Variants in AFAP1L1 observed in about 807,000 individuals in gnomAD.
AFAP1L1 encodes actin filament-associated protein 1-like 1.
AFAP1L1 carries 77 observed loss-of-function variants against 99.8 expected under a neutral mutation model. The ratio of observed to expected loss-of-function variants is 0.77; its 90% CI spans 0.64 to 0.93. The LOEUF (loss-of-function observed/expected upper bound fraction) is 0.93, where lower values mean the gene tolerates loss of function less well. Among genes scored for constraint, AFAP1L1 ranks in the 40% least tolerant of loss-of-function variants. The pLI is 0.00. For missense variants in AFAP1L1, 893 were observed against 996.8 expected (o/e 0.90, Z 1.40); for synonymous variants, 373 against 395.3 (o/e 0.94, Z 0.67).
intron 8 of AFAP1L1, 133 bp from the exon 9 acceptor site, chr5:149,311,979 C>A: frequency 1.3e-6 from 1 of 744,434 alleles, no homozygotes; most frequent in Non-Finnish European, 2.3e-6. Context: ...ATGCAGGTAG[C>A]TGTGTCAGTC....
intron 17 of AFAP1L1, among the ~76,000 whole-genome samples, chr5:149,333,546 TCACCTCC>T (rs574692186): frequency 1.0e-3 from 158 of 152,330 alleles, no homozygotes; most frequent in African/African-American, 3.5e-3. Context: ...GAAGATACGC[TCACCTCC>T]AATGGTGCTC....
chr5:149,286,192 C>A (rs1019986162), intron 1 of AFAP1L1, among the ~76,000 whole-genome samples: 1 of 152,106 alleles, frequency 6.6e-6, no homozygotes, highest in African/African-American at 2.4e-5. Context: ...GCATCAGGGA[C>A]TTCTCTAAGC....
chr5:149,335,473 G>C, intron 17 of AFAP1L1, 121 bp from the exon 18 acceptor site: 2 of 1,336,024 alleles, frequency 1.5e-6, no homozygotes, highest in South Asian at 1.5e-5. Flanking sequence ...GGGTGACAGA[G>C]ACTCTGTCTC....
In AFAP1L1 at chr5:149,322,636, C is replaced by A; in HGVS notation, c.1729C>A (p.Gln577Lys). Residue 577 changes from glutamine (Q) to lysine (K), a missense_variant, in exon 15 of 19, where the codon CAG becomes AAG. Coordinates refer to ENST00000296721, the MANE Select transcript of AFAP1L1 (RefSeq NM_152406.4). ...DEEPERPTGAQVKRHASSCSE... is the reference protein window; with the variant it reads ...DEEPERPTGAKVKRHASSCSE... ...GGAGCCCGAGCGCCCCACAGGGGCC[C>A]AGGTGAAGCGTCACGCCTCCTCCTG... 2 of 1,589,020 alleles carry A rather than the reference C, an allele frequency of 1.3e-6. No individual in the cohort carries two copies. The highest frequency in any genetic ancestry group is 1.7e-6 in the Non-Finnish European group (2 of 1,166,824).
At chr5:149,289,580 C>G (rs903578181) in intron 1 of AFAP1L1, among the ~76,000 whole-genome samples, 22 of 152,202 alleles carry the variant, frequency 1.4e-4, no homozygotes, top group African/African-American at 5.3e-4. Context: ...CCAGTGCCGT[C>G]TCCTTCTACA....
rs1235336270 is a variant in AFAP1L1, at chr5:149,320,216, CTG to C, written c.1626-172_1626-171del. ...GTTATGAGAATCACATTGGTCCTGTCTGTGACGCCCTAACACAGCCCATGACA... is the reference window on the plus strand; with the variant it reads ...GTTATGAGAATCACATTGGTCCTGTCTGACGCCCTAACACAGCCCATGACA... On this transcript the variant is annotated intron_variant, in intron 13 of 18. Transcript: ENST00000296721. This position sits in a 1 kb window ranked among gnomAD's most constrained non-coding sequence, Gnocchi z 4.0. Among the ~76,000 whole-genome samples the C allele has an allele frequency of 6.6e-6, 1 of 152,224 alleles. No homozygotes were observed. Among genetic ancestry groups the C allele is most frequent in the Non-Finnish European group, 1.5e-5 (1 of 68,032 alleles).
In AFAP1L1 at chr5:149,302,526, A is replaced by G. The variant is rs751149333; in HGVS notation, c.436A>G (p.Asn146Asp). Reference protein sequence around the residue: ...GKSPEYISSHNGCSPSHSIVD... With the variant: ...GKSPEYISSHDGCSPSHSIVD... ...GTCGCCTGAGTACATCAGCTCCCAC[A>G]GTAAGTTCTGGTCCTCTTGGTGGGG... The change falls in exon 5 of 19, where the codon AAT (asparagine) becomes GAT (aspartate). Residue 146 changes from asparagine (N) to aspartate (D), a missense_variant and splice_region_variant. Coordinates refer to ENST00000296721, the MANE Select transcript of AFAP1L1 (RefSeq NM_152406.4). 14 of 1,575,224 alleles carry G rather than the reference A, an allele frequency of 8.9e-6. No homozygotes were observed. Among genetic ancestry groups the G allele is most frequent in the Non-Finnish European group, 1.0e-5 (12 of 1,159,738 alleles).
Position 149,319,478 on chromosome 5 carries a change from G to T in AFAP1L1, c.1480-104G>T, listed in dbSNP as rs548858778. The stretch of plus-strand genomic sequence containing the variant: ...CCTCTTTGACCCGAGTATCGGGTAC[G>T]TAGTCAGTACTTACAAATATTTCTG... On this transcript the variant is annotated intron_variant, in intron 12 of 18. Coordinates refer to ENST00000296721, the MANE Select transcript of AFAP1L1 (RefSeq NM_152406.4). The T allele has an allele frequency of 2.3e-5, 30 of 1,324,370 alleles. No homozygotes were observed. The African/African-American group carries it at 3.8e-4, about 17-fold the overall frequency. The allele number at this position is 1,324,370 out of a possible 1,614,324, so 82.0% of individuals were successfully genotyped here.
chr5:149,301,373 A>T, intron 4 of AFAP1L1, 143 bp downstream of exon 4: 1 of 633,264 alleles, frequency 1.6e-6, no homozygotes, highest in East Asian at 2.8e-5. Flanking sequence ...GGGCACAGGC[A>T]GCACCATGTG....
chr5:149,309,624 C>T (rs1014554731), intron 7 of AFAP1L1, among the ~76,000 whole-genome samples: 1 of 152,198 alleles, frequency 6.6e-6, no homozygotes, highest in African/African-American at 2.4e-5. Context: ...AAATTCCTGC[C>T]AGATAGATTT....
At chr5:149,327,807 T>C (rs1005828632) in intron 15 of AFAP1L1, among the ~76,000 whole-genome samples, 43 of 152,028 alleles carry the variant, frequency 2.8e-4, no homozygotes, top group African/African-American at 1.0e-3. Flanking sequence ...CACCATTAAG[T>C]GCACAAACAT....
intron 15 of AFAP1L1, among the ~76,000 whole-genome samples, chr5:149,326,266 T>C (rs953556529): frequency 1.3e-5 from 2 of 152,142 alleles, no homozygotes; most frequent in Non-Finnish European, 2.9e-5. Flanking sequence ...CAGCCGGGCG[T>C]GATGGCTCAC....
At chr5:149,314,214 C>G (rs748593124) in intron 9 of AFAP1L1, among the ~76,000 whole-genome samples, 10 of 152,188 alleles carry the variant, frequency 6.6e-5, no homozygotes, top group Non-Finnish European at 1.0e-4. Flanking sequence ...GAAGCTCAAC[C>G]CTATCCTCAC....
In AFAP1L1 at chr5:149,299,621, C is replaced by T. The variant is rs1189269813; in HGVS notation, c.129C>T (p.Ser43=). 6.2e-7 allele frequency: 1 copy of T among 1,614,186 alleles called. No homozygotes were observed. The highest frequency in any genetic ancestry group is 2.2e-5 in the East Asian group (1 of 44,882). The change falls in exon 2 of 19, where the codon AGC becomes AGT. Residue 43 remains serine (S), a synonymous_variant. Transcript: ENST00000296721. ...TGGCCGTGGCCTCCATCCTGCAGAG[C>T]CTGCAGCCCCTTCCAGGTTAGCCGC... ...KKMAVASILQ[S]LQPLPAKEVS...
At chr5:149,292,719 C>T (rs1201952739) in intron 1 of AFAP1L1, among the ~76,000 whole-genome samples, 1 of 152,158 alleles carries the variant, frequency 6.6e-6, no homozygotes, top group African/African-American at 2.4e-5. Context: ...TAAGACTCAA[C>T]TAAACCAAGC....
At chr5:149,321,506 C>A (rs1756950676) in intron 14 of AFAP1L1, among the ~76,000 whole-genome samples, 1 of 152,040 alleles carries the variant, frequency 6.6e-6, no homozygotes, top group Admixed American at 6.6e-5. Context: ...GTGGGTGGAT[C>A]ACTTGAGGCC....
At chr5:149,316,501 T>C (rs563696786) in intron 11 of AFAP1L1, among the ~76,000 whole-genome samples, 198 bp downstream of exon 11, 1 of 152,182 alleles carries the variant, frequency 6.6e-6, no homozygotes, top group Non-Finnish European at 1.5e-5. Context: ...GCCCTGACAC[T>C]CAACGAAAGG....
chr5:149,324,777 T>G (rs991473221), intron 15 of AFAP1L1, among the ~76,000 whole-genome samples: 4 of 152,192 alleles, frequency 2.6e-5, no homozygotes, highest in African/African-American at 4.8e-5. Context: ...GTGCTGGTTG[T>G]TGGAAGGAGG....
At chr5:149,307,316 C>T in intron 6 of AFAP1L1, 86 bp from the exon 7 acceptor site, 1 of 1,410,268 alleles carries the variant, frequency 7.1e-7, no homozygotes, top group Non-Finnish European at 1.0e-6. Flanking sequence ...TAGCCTCAGT[C>T]CCCAGTGCAG....
Sources: gnomAD v4.1 joint callset for allele counts (sites outside exome capture counted in the v4.1 genomes callset) on GRCh38, gnomAD v4.1.1 for gene constraint, Gnocchi (gnomAD v3.1) non-coding constraint, MANE v1.5 for transcripts, NCBI Gene and HGNC (gene_info 2026-07-23, HGNC 2026-07-21) for gene names.